The following SIRPB1 variants were observed in gnomAD, a reference collection of about 807,000 sequenced individuals.
The protein encoded by SIRPB1 is signal-regulatory protein beta-1.
Under a neutral mutation model 34.1 loss-of-function variants are expected in SIRPB1, and 28 were observed. The ratio of observed to expected loss-of-function variants is 0.82; its 90% confidence interval spans 0.61 to 1.12. SIRPB1 has a LOEUF of 1.12. Among genes scored for constraint, SIRPB1 ranks in the 50% most tolerant of loss-of-function variants. The pLI is 0.00. For missense variants in SIRPB1, 499 were observed against 507.0 expected (o/e 0.98, Z 0.15); for synonymous variants, 211 against 203.8 (o/e 1.04, Z -0.30).
intron 2 of SIRPB1, among the ~76,000 whole-genome samples, chr20:1,577,785 C>T (rs1025793826): frequency 6.8e-6 from 1 of 146,586 alleles, no homozygotes; most frequent in Admixed American, 6.7e-5. Flanking sequence ...AAAAAAACAA[C>T]CACGATTTAC....
chr20:1,580,042 T>C (rs2091379888), intron 1 of SIRPB1, among the ~76,000 whole-genome samples: 1 of 148,626 alleles, frequency 6.7e-6, no homozygotes, highest in Admixed American at 6.6e-5. Flanking sequence ...ATGATGGATG[T>C]GTCCATTTGC....
rs773105575 is a variant in SIRPB1, at chr20:1,571,050, C to CG, written c.838dup (p.Arg280ProfsTer56). The CG allele has an allele frequency of 3.1e-6, 5 of 1,613,994 alleles. No homozygotes were observed. In the East Asian group the frequency reaches 1.1e-4, roughly 36 times the overall value. ...CTCCAACCAGGTCAGCTGTAGTCCC[C>CG]GGGGGTAGAAATTGCTCACCTGGCA... On this transcript the variant is annotated frameshift_variant, in exon 4 of 6. Coordinates refer to ENST00000381605, the MANE Select transcript of SIRPB1 (RefSeq NM_006065.5). LOFTEE classifies it high-confidence loss of function.
At chr20:1,568,631 G>GAAC (rs1301712147) in intron 4 of SIRPB1, among the ~76,000 whole-genome samples, 1 of 152,034 alleles carries the variant, frequency 6.6e-6, no homozygotes, top group Non-Finnish European at 1.5e-5. Context: ...GAGGACTGAG[G>GAAC]AACAGCCCAG....
chr20:1,577,628 T>C (rs1388846100), intron 2 of SIRPB1, among the ~76,000 whole-genome samples: 1 of 147,084 alleles, frequency 6.8e-6, no homozygotes, highest in Non-Finnish European at 1.5e-5. Flanking sequence ...TGTGACTCAG[T>C]CCCCAAATCA....
chr20:1,568,549 T>C (rs1433131277), intron 4 of SIRPB1, among the ~76,000 whole-genome samples: 1 of 152,092 alleles, frequency 6.6e-6, no homozygotes, highest in Admixed American at 6.6e-5. Context: ...GAAGTACAAC[T>C]ATGAACCCAA....
chr20:1,570,542 T>G, intron 4 of SIRPB1: 1 of 360,710 alleles, frequency 2.8e-6, no homozygotes, highest in Non-Finnish European at 5.0e-6. Flanking sequence ...TTAATGTATA[T>G]TTATGTCAAA....
rs1308861363 is a variant in SIRPB1 at position 1,587,606 on chromosome 20, T to G, written c.77-8912A>C. ...GGCTGAATGTGTCCCCTAAAAGGCATGTGTTGAAGCTCCAACCCTAGCAAC... is the reference window on the plus strand; with the variant it reads ...GGCTGAATGTGTCCCCTAAAAGGCAGGTGTTGAAGCTCCAACCCTAGCAAC... On this transcript the variant is annotated intron_variant, in intron 1 of 5. Coordinates refer to ENST00000381605, the MANE Select transcript of SIRPB1 (RefSeq NM_006065.5). 4.0e-5 allele frequency among the ~76,000 whole-genome samples: 2 copies of G among 49,834 alleles called. 1 individual carries two copies. Among genetic ancestry groups the G allele is most frequent in the Non-Finnish European group, 7.8e-5 (2 of 25,614 alleles). 32.7% of individuals were successfully genotyped at this position (49,834 alleles called of 152,430 possible).
In SIRPB1 at chr20:1,580,975, A is replaced by T. The variant is rs2122238450; in HGVS notation, c.77-2281T>A. Reference sequence around the variant, plus strand: ...ACAGAAGCGATTTCTTCCATACAAGAGACCCTCAATAAGATTTTCAGCTCA... The same window carrying T: ...ACAGAAGCGATTTCTTCCATACAAGTGACCCTCAATAAGATTTTCAGCTCA... On this transcript the variant is annotated intron_variant, in intron 1 of 5. Coordinates refer to ENST00000381605, the MANE Select transcript of SIRPB1 (RefSeq NM_006065.5). Among the ~76,000 whole-genome samples the T allele has an allele frequency of 4.1e-5, 2 of 49,120 alleles. 1 individual carries two copies. The highest frequency in any genetic ancestry group is 7.8e-5 in the Non-Finnish European group (2 of 25,534). The allele number at this position is 49,120 out of a possible 152,430, so 32.2% of individuals were successfully genotyped here.
At chr20:1,569,096 C>G (rs2091186156) in intron 4 of SIRPB1, among the ~76,000 whole-genome samples, 1 of 152,086 alleles carries the variant, frequency 6.6e-6, no homozygotes, top group African/African-American at 2.4e-5. Flanking sequence ...ATGAAATGGA[C>G]CAAAAGTTAT....
rs1356371652 is a variant in SIRPB1 at position 1,571,832 on chromosome 20, C to A, written c.639G>T (p.Arg213Ser). Residue 213 changes from arginine (R) to serine (S), a missense_variant, in exon 3 of 6, where the codon AGG becomes AGT. Physicochemically the swap from Arg to Ser is moderately radical, Grantham distance 110 (BLOSUM62 -1). Transcript: ENST00000381605. ...SVSYSIHSTA[R>S]VVLTRGDVHS... Reference sequence around the variant, plus strand: ...GAACGTCCCCACGGGTCAGCACCACCCTGGCTGTGCTGTGGATGCTGTAGG... The same window carrying A: ...GAACGTCCCCACGGGTCAGCACCACACTGGCTGTGCTGTGGATGCTGTAGG... 1.2e-6 allele frequency: 2 copies of A among 1,614,230 alleles called. No homozygotes were observed. Among genetic ancestry groups the A allele is most frequent in the Non-Finnish European group, 1.7e-6 (2 of 1,180,030 alleles).
At position 1,566,190 on chromosome 20, in the gene SIRPB1, A is replaced by G; in HGVS notation, c.1162T>C (p.Ser388Pro). The G allele has an allele frequency of 6.2e-7, 1 of 1,612,138 alleles. No homozygotes were observed. The highest frequency in any genetic ancestry group is 1.3e-5 in the African/African-American group (1 of 75,030). The part of the protein sequence containing the change: ...GPKLLLVVGV[S>P]AIYICWKQKA ...TGTTTCCAGCAGATGTAGATGGCAGAGACACCAACCACCAGTAGCAGCTTG... is the reference window on the plus strand; with the variant it reads ...TGTTTCCAGCAGATGTAGATGGCAGGGACACCAACCACCAGTAGCAGCTTG... Residue 388 changes from serine (S) to proline (P), a missense_variant, in exon 5 of 6, where the codon TCT becomes CCT. By Grantham distance (74) the Ser-to-Pro change is moderately conservative. Transcript: ENST00000381605.
intron 3 of SIRPB1, 49 bp downstream of exon 3, chr20:1,571,671 G>A: frequency 1.2e-6 from 2 of 1,612,344 alleles, no homozygotes; most frequent in African/African-American, 1.3e-5. Context: ...AGAGGGGAGT[G>A]GGCTTGGCAG....
rs1221675791 is a variant in SIRPB1, at chr20:1,571,016, A to G, written c.873T>C (p.Asn291=). The G allele has an allele frequency of 4.3e-6, 7 of 1,614,124 alleles. No individual in the cohort carries two copies. The highest frequency in any genetic ancestry group is 2.2e-5 in the East Asian group (1 of 44,872). Residue 291 remains asparagine, a synonymous_variant, in exon 4 of 6, where the codon AAT becomes AAC. Transcript: ENST00000381605. ...GLQLTWLENG[N]VSRTETASTL... is the part of the protein sequence containing the mutation. ...TCGAAGCTGTTTCTGTCCGGGACAC[A>G]TTTCCATTCTCCAACCAGGTCAGCT...
At chr20:1,592,303 C>G (rs2091445643) in intron 1 of SIRPB1, among the ~76,000 whole-genome samples, 1 of 48,008 alleles carries the variant, frequency 2.1e-5, no homozygotes, top group African/African-American at 1.4e-4. Flanking sequence ...ACCTCAGCCT[C>G]CTGAGTAGCT....
intron 1 of SIRPB1, among the ~76,000 whole-genome samples, chr20:1,615,927 A>G (rs973800407): frequency 1.3e-5 from 2 of 152,208 alleles, no homozygotes; most frequent in African/African-American, 4.8e-5. Flanking sequence ...TGTCATTATT[A>G]TGACTTTATT....
Position 1,567,655 on chromosome 20 carries a change from C to G in SIRPB1, c.1085-1388G>C, listed in dbSNP as rs150765125. On this transcript the variant is annotated intron_variant, in intron 4 of 5. Transcript: ENST00000381605. ...ATGGGACTGGAGAAGCCGTGACTTG[C>G]TGTTGTGTTGCGATTGATAACACTT... 1.2e-3 allele frequency among the ~76,000 whole-genome samples: 188 copies of G among 152,330 alleles called. No individual in the cohort carries two copies. In the Middle Eastern group the frequency reaches 0.024, roughly 19 times the overall value.
At chr20:1,572,253 C>G (rs1401442592) in intron 2 of SIRPB1, among the ~76,000 whole-genome samples, 1 of 152,116 alleles carries the variant, frequency 6.6e-6, no homozygotes, top group East Asian at 1.9e-4. Context: ...GGGGCAGGGC[C>G]CAGAGGGAAG....
chr20:1,572,410 A>G (rs35442028), intron 2 of SIRPB1, among the ~76,000 whole-genome samples: 15,956 of 150,850 alleles, frequency 0.11, 1,032 homozygotes, highest in Middle Eastern at 0.16. Flanking sequence ...CAGAGAGGGC[A>G]TTTATAGAAG....
chr20:1,603,970 G>GGTAC lies in SIRPB1; in HGVS notation c.76+15895_76+15898dup, dbSNP rs2091489144. The stretch of plus-strand genomic sequence containing the variant: ...CCAGGAGCCAGCTCATCCAGTTGTA[G>GGTAC]GTACCATCCTTGTTTTCTGTAAGGG... On this transcript the variant is annotated intron_variant, in intron 1 of 5. Transcript: ENST00000381605. 3.3e-6 allele frequency: 2 copies of GGTAC among 609,616 alleles called. 1 individual carries two copies. The highest frequency in any genetic ancestry group is 4.4e-6 in the Non-Finnish European group (2 of 456,670). The allele number at this position is 609,616 out of a possible 1,614,324, so 37.8% of individuals were successfully genotyped here.
Sources: allele counts gnomAD v4.1 joint callset (sites outside exome capture counted in the v4.1 genomes callset), GRCh38; gene constraint gnomAD v4.1.1; transcripts MANE v1.5; gene names NCBI Gene and HGNC (gene_info 2026-07-23, HGNC 2026-07-21).